Variants in SLA observed in about 807,000 individuals in gnomAD.
SLA encodes the protein src-like-adapter.
A neutral mutation model predicts 30.3 loss-of-function variants in SLA; 16 were observed. The observed-to-expected ratio is 0.53, with a 90% CI of 0.36 to 0.80. The LOEUF is 0.80. SLA is among the 30% of genes least tolerant of loss of function. The pLI, the probability that SLA is intolerant of heterozygous loss-of-function variation, is 0.01. For missense variants in SLA, 310 were observed against 345.2 expected (o/e 0.90, Z 0.81); for synonymous variants, 143 against 137.8 (o/e 1.04, Z -0.26).
chr8:133,060,843 G>A (rs989941292), intron 2 of SLA, among the ~76,000 whole-genome samples: 1 of 152,132 alleles, frequency 6.6e-6, no homozygotes, highest in African/African-American at 2.4e-5. Flanking sequence ...TCTCAGAAGG[G>A]GTAAGTGACT....
intron 4 of SLA, 164 bp downstream of exon 4, chr8:133,050,652 C>A (rs1840229570): frequency 1.0e-5 from 6 of 600,130 alleles, no homozygotes; most frequent in Admixed American, 5.8e-5. Context: ...AGAGCACTGG[C>A]CACATTAAAG....
chr8:133,100,906 G>A (rs976040446), intron 1 of SLA, among the ~76,000 whole-genome samples: 8 of 152,142 alleles, frequency 5.3e-5, no homozygotes, highest in Non-Finnish European at 4.4e-5. Context: ...CTTACTTTAC[G>A]TTATCTCAAC....
In SLA at chr8:133,038,597, CT is replaced by C. The variant is rs1291977698; in HGVS notation, c.757del (p.Ser253AlafsTer4). 6.2e-7 allele frequency: 1 copy of C among 1,614,164 alleles called. No individual in the cohort carries two copies. Among genetic ancestry groups the C allele is most frequent in the Non-Finnish European group, 8.5e-7 (1 of 1,180,012 alleles). On this transcript the variant is annotated frameshift_variant, in exon 9 of 9. Transcript: ENST00000338087. LOFTEE classifies it high-confidence loss of function. ...GCTGCCACCATACATCAGGGAGATG[CT>C]TTTCTTCTTTCGATCAAAGGAGGTG... ...DNTSFDRKKK[S>X]ISLMYGGSKR...
chr8:133,052,019 G>A (rs1383468677), intron 3 of SLA, among the ~76,000 whole-genome samples: 1 of 152,150 alleles, frequency 6.6e-6, no homozygotes, highest in Non-Finnish European at 1.5e-5. Flanking sequence ...AGTCATGGGA[G>A]GAACTGTTCC....
intron 2 of SLA, among the ~76,000 whole-genome samples, chr8:133,064,622 A>G (rs1842812457): frequency 6.6e-6 from 1 of 152,246 alleles, no homozygotes; most frequent in South Asian, 2.1e-4. Context: ...CCATTTGAGC[A>G]GAAACATGGC....
intron 6 of SLA, chr8:133,046,726 A>C (rs1839481536): frequency 6.6e-6 from 1 of 152,226 alleles, no homozygotes. Flanking sequence ...TAGGACAGGC[A>C]CAGGATGTTT....
At chr8:133,041,126 T>A (rs1426587718) in intron 7 of SLA, among the ~76,000 whole-genome samples, 4 of 152,226 alleles carry the variant, frequency 2.6e-5, no homozygotes, top group Admixed American at 6.5e-5. Flanking sequence ...ACCCCAGTGC[T>A]TCTCCTGTGC....
At position 133,070,029 on chromosome 8, in the gene SLA, A is replaced by AAAAAC. The variant is rs376711807; in HGVS notation, c.-41+4823_-41+4824insGTTTT. Among the ~76,000 whole-genome samples, 32 of 109,796 alleles carry AAAAAC rather than the reference A, an allele frequency of 2.9e-4. 6 individuals are homozygous for AAAAAC. The highest frequency in any genetic ancestry group is 5.8e-4 in the African/African-American group (15 of 25,814). 72.0% of individuals were successfully genotyped at this position (109,796 alleles called of 152,430 possible). A position where few individuals can be genotyped will look rare whatever the true frequency, so the allele number is the denominator to read the frequency against. On this transcript the variant is annotated intron_variant, in intron 2 of 8. Transcript: ENST00000338087. The stretch of plus-strand genomic sequence containing the variant: ...AAAAAAAAAAAAAAAAAAAAAAAGA[A>AAAAAC]AGAAAGAAAGAAAAGAAAAGAAGAA...
chr8:133,075,600 G>A (rs546225990), intron 1 of SLA, among the ~76,000 whole-genome samples: 21 of 152,286 alleles, frequency 1.4e-4, no homozygotes, highest in Admixed American at 2.6e-4. Flanking sequence ...GGGGACATGC[G>A]GTGACCAAGA....
chr8:133,065,461 T>TG (rs1842909741), intron 2 of SLA, among the ~76,000 whole-genome samples: 1 of 152,166 alleles, frequency 6.6e-6, no homozygotes, highest in Non-Finnish European at 1.5e-5. Flanking sequence ...AACAGAAAAG[T>TG]GATTTTTAAA....
chr8:133,061,746 C>T (rs1842397850), intron 2 of SLA, among the ~76,000 whole-genome samples: 1 of 152,170 alleles, frequency 6.6e-6, no homozygotes, highest in Admixed American at 6.5e-5. Context: ...AAAGTCAGCC[C>T]ATCCAACTCC....
chr8:133,084,186 G>A (rs1489071286), intron 1 of SLA, among the ~76,000 whole-genome samples: 1 of 152,164 alleles, frequency 6.6e-6, no homozygotes, highest in Non-Finnish European at 1.5e-5. Context: ...ACGAAATGGA[G>A]AGAGAGGGGC....
chr8:133,045,387 C>CT (rs5895172), intron 6 of SLA, among the ~76,000 whole-genome samples: 1,872 of 65,800 alleles, frequency 0.028, 59 homozygotes, highest in African/African-American at 0.051. Flanking sequence ...ATCCTCTTTG[C>CT]TTTTTTTTTT....
chr8:133,051,696 C>T (rs982976751), intron 3 of SLA, among the ~76,000 whole-genome samples: 4 of 152,176 alleles, frequency 2.6e-5, no homozygotes, highest in African/African-American at 9.7e-5. Context: ...CTTTTTGACA[C>T]TGAGCGATAC....
rs574353205 is a variant in SLA at position 133,090,433 on chromosome 8, A to T, written c.-319+12120T>A. Among the ~76,000 whole-genome samples the T allele has an allele frequency of 2.2e-4, 34 of 152,346 alleles. No homozygotes were observed. The South Asian group carries it at 6.0e-3, about 27-fold the overall frequency. Reference sequence around the variant, plus strand: ...AGGACATAAATCAAGAGAGTGAGCAAAAAAGCACCTTGGCCCGTGTGTGGT... The same window carrying T: ...AGGACATAAATCAAGAGAGTGAGCATAAAAGCACCTTGGCCCGTGTGTGGT... On this transcript the variant is annotated intron_variant, in intron 1 of 8. Coordinates refer to ENST00000338087, the MANE Select transcript of SLA (RefSeq NM_001045556.3).
chr8:133,071,241 C>T (rs1046892553), intron 2 of SLA, among the ~76,000 whole-genome samples: 1 of 152,168 alleles, frequency 6.6e-6, no homozygotes, highest in Non-Finnish European at 1.5e-5. Context: ...CTGGAGTATG[C>T]ATCATTACGC....
chr8:133,063,589 T>C (rs2703011), intron 2 of SLA: 114,263 of 151,930 alleles, frequency 0.75, 43,870 homozygotes, highest in African/African-American at 0.89. Flanking sequence ...CCCAGGGTCA[T>C]GAGATGAGAA....
intron 1 of SLA, among the ~76,000 whole-genome samples, chr8:133,098,638 T>A (rs1047266248): frequency 6.6e-6 from 1 of 152,184 alleles, no homozygotes; most frequent in African/African-American, 2.4e-5. Flanking sequence ...ACTAATTTTA[T>A]ATTCCCAGGA....
At chr8:133,099,093 A>T (rs944235027) in intron 1 of SLA, among the ~76,000 whole-genome samples, 1 of 152,320 alleles carries the variant, frequency 6.6e-6, no homozygotes, top group African/African-American at 2.4e-5. Context: ...CACCAGCAGG[A>T]GGCTCACTGC....
Sources: allele counts gnomAD v4.1 joint callset (sites outside exome capture counted in the v4.1 genomes callset), GRCh38; gene constraint gnomAD v4.1.1; transcripts MANE v1.5; gene names NCBI Gene and HGNC (gene_info 2026-07-23, HGNC 2026-07-21).